AKAIN1: variants seen among roughly 807,000 people sequenced by gnomAD.
AKAIN1 encodes the protein A-kinase anchor protein inhibitor 1.
A neutral mutation model predicts 3.7 loss-of-function variants in AKAIN1; 3 were observed. That is an observed-to-expected ratio of 0.82 (90% CI 0.37 to 2.12). AKAIN1 has a LOEUF of 2.12. Ranked by LOEUF, AKAIN1 falls within the 30% of genes most tolerant of loss-of-function variation. AKAIN1 has a pLI of 0.06. For missense variants in AKAIN1, 82 were observed against 82.7 expected, an observed-to-expected ratio of 0.99 and a Z score of 0.03; for synonymous variants, 31 against 30.8, an observed-to-expected ratio of 1.01 and a Z score of -0.02.
At chr18:5,152,954 A>G (rs1306129346) in intron 1 of AKAIN1, among the ~76,000 whole-genome samples, 1 of 152,158 alleles carries the variant, frequency 6.6e-6, no homozygotes, top group Non-Finnish European at 1.5e-5. Context: ...TATCTGTGCC[A>G]CCCAGCATAG....
chr18:5,186,827 C>T (rs115786560), intron 1 of AKAIN1, among the ~76,000 whole-genome samples: 229 of 152,166 alleles, frequency 1.5e-3, no homozygotes, highest in African/African-American at 5.3e-3. Flanking sequence ...ACAACTGAAA[C>T]AATTGCAAGT....
At chr18:5,160,945 T>TA (rs201772104) in intron 1 of AKAIN1, among the ~76,000 whole-genome samples, 22,501 of 152,088 alleles carry the variant, frequency 0.15, 2,155 homozygotes, top group Non-Finnish European at 0.21. Context: ...TCTTAAATAC[T>TA]AGTACTTTAT....
chr18:5,167,950 C>A (rs1033776402), intron 1 of AKAIN1, among the ~76,000 whole-genome samples: 2 of 152,072 alleles, frequency 1.3e-5, no homozygotes, highest in Non-Finnish European at 2.9e-5. Flanking sequence ...CTCTAAATTG[C>A]CTTATGAAAT....
At chr18:5,148,601 ATCCCAGCAC>A (rs2143306711) in intron 1 of AKAIN1, among the ~76,000 whole-genome samples, 1 of 152,282 alleles carries the variant, frequency 6.6e-6, no homozygotes, top group East Asian at 1.9e-4. Context: ...CACAGCTGTA[ATCCCAGCAC>A]TCTGGGAGGC....
At chr18:5,178,541 G>A (rs2071239021) in intron 1 of AKAIN1, among the ~76,000 whole-genome samples, 2 of 152,176 alleles carry the variant, frequency 1.3e-5, no homozygotes, top group South Asian at 4.1e-4. Flanking sequence ...TACTTAATGG[G>A]AAAACTATGA....
At chr18:5,153,729 G>T (rs183709302) in intron 1 of AKAIN1, among the ~76,000 whole-genome samples, 60 of 152,328 alleles carry the variant, frequency 3.9e-4, no homozygotes, top group Admixed American at 1.1e-3. Context: ...ATACTATAAT[G>T]ATGGACACGT....
intron 1 of AKAIN1, among the ~76,000 whole-genome samples, chr18:5,184,585 T>C (rs1003062461): frequency 2.0e-5 from 3 of 151,910 alleles, no homozygotes; most frequent in African/African-American, 7.3e-5. Flanking sequence ...TGCAATCCCA[T>C]TCACAATAGA....
chr18:5,197,659 C>G (rs1192123994), upstream of AKAIN1, among the ~76,000 whole-genome samples: 1 of 151,988 alleles, frequency 6.6e-6, no homozygotes. The surrounding 1 kb of genome is among the most constrained non-coding windows in gnomAD (Gnocchi z 6.9). Flanking sequence ...CTGCTAACGT[C>G]AGGAAGAGAG....
At chr18:5,183,340 A>G (rs1357299597) in intron 1 of AKAIN1, among the ~76,000 whole-genome samples, 1 of 152,068 alleles carries the variant, frequency 6.6e-6, no homozygotes. Flanking sequence ...TATATTCAAC[A>G]TATTAGTAAT....
intron 1 of AKAIN1, among the ~76,000 whole-genome samples, chr18:5,148,500 G>A (rs980717739): frequency 3.9e-5 from 6 of 152,148 alleles, no homozygotes; most frequent in Admixed American, 6.5e-5. Context: ...ACATGGCCAC[G>A]CTTAGCTATG....
chr18:5,194,811 C>T (rs2071338809), intron 1 of AKAIN1, among the ~76,000 whole-genome samples: 1 of 152,060 alleles, frequency 6.6e-6, no homozygotes, highest in African/African-American at 2.4e-5. Context: ...AGCACATGAC[C>T]CTGTTTCTTC....
rs910564511 is a variant in AKAIN1 at position 5,180,649 on chromosome 18, G to T, written c.16+16389C>A. Among the ~76,000 whole-genome samples, 6 of 152,234 alleles carry T rather than the reference G, an allele frequency of 3.9e-5. No individual in the cohort carries two copies. In the East Asian group the frequency reaches 1.2e-3, roughly 29 times the overall value. ...ATAATCTACTCTGAAGCATGAGTCG[G>T]ATTGCAATTAAGGCTGTAGGGAACT... On this transcript the variant is annotated intron_variant, in intron 1 of 1. Transcript: ENST00000434239.
At chr18:5,153,020 G>A (rs1453053638) in intron 1 of AKAIN1, among the ~76,000 whole-genome samples, 1 of 152,212 alleles carries the variant, frequency 6.6e-6, no homozygotes, top group Non-Finnish European at 1.5e-5. Flanking sequence ...AAGATTTGGA[G>A]AAGGCCTTGA....
intron 1 of AKAIN1, among the ~76,000 whole-genome samples, chr18:5,194,088 A>T (rs1228123298): frequency 1.3e-5 from 2 of 152,160 alleles, no homozygotes; most frequent in African/African-American, 4.8e-5. Context: ...ACTTCTATTT[A>T]GGTATATATG....
intron 1 of AKAIN1, among the ~76,000 whole-genome samples, chr18:5,151,581 C>G (rs2071080332): frequency 6.6e-6 from 1 of 152,166 alleles, no homozygotes; most frequent in Admixed American, 6.5e-5. Context: ...CAGCTATCAG[C>G]AGGCATAGGA....
At chr18:5,192,337 T>C (rs968927351) in intron 1 of AKAIN1, among the ~76,000 whole-genome samples, 6 of 152,278 alleles carry the variant, frequency 3.9e-5, no homozygotes, top group African/African-American at 1.4e-4. Flanking sequence ...CCCAGCTCAT[T>C]CTCCCTAGTA....
At chr18:5,173,610 C>G (rs570547722) in intron 1 of AKAIN1, among the ~76,000 whole-genome samples, 3 of 152,288 alleles carry the variant, frequency 2.0e-5, no homozygotes, top group African/African-American at 7.2e-5. Flanking sequence ...CTGTTTAGCA[C>G]TAGCCTAGGT....
At position 5,173,005 on chromosome 18, in the gene AKAIN1, T is replaced by C. The variant is rs77344123; in HGVS notation, c.16+24033A>G. Among the ~76,000 whole-genome samples the C allele has an allele frequency of 2.0e-3, 304 of 152,290 alleles. 7 individuals are homozygous for C. The East Asian group carries it at 0.052, about 26-fold the overall frequency. On this transcript the variant is annotated intron_variant, in intron 1 of 1. Transcript: ENST00000434239. The stretch of plus-strand genomic sequence containing the variant: ...TTTAAGTTACAATACATGGGAAATA[T>C]TTATTTCACAGTTGGTTAAAAATTA...
intron 1 of AKAIN1, among the ~76,000 whole-genome samples, chr18:5,148,534 C>T (rs1357228688): frequency 6.6e-6 from 1 of 152,210 alleles, no homozygotes; most frequent in Non-Finnish European, 1.5e-5. Flanking sequence ...AATACATTCA[C>T]AGGCTGGGCA....
Sources: allele counts gnomAD v4.1 joint callset (sites outside exome capture counted in the v4.1 genomes callset), GRCh38; gene constraint gnomAD v4.1.1; non-coding constraint Gnocchi (gnomAD v3.1); transcripts MANE v1.5; gene names NCBI Gene and HGNC (gene_info 2026-07-23, HGNC 2026-07-21).